Variants in CDH4 observed in about 807,000 individuals in gnomAD.
The protein encoded by CDH4 is cadherin 4.
A neutral mutation model predicts 86.0 loss-of-function variants in CDH4; 33 were observed. The observed-to-expected ratio is 0.38, with a 90% CI of 0.29 to 0.51. CDH4 has a LOEUF of 0.51. Among genes scored for constraint, CDH4 ranks in the 20% least tolerant of loss-of-function variants. The pLI is 0.86. For missense variants in CDH4, 1,114 were observed against 1,307.4 expected, an observed-to-expected ratio of 0.85 and a Z score of 2.28; for synonymous variants, 555 against 549.4, an observed-to-expected ratio of 1.01 and a Z score of -0.14.
At chr20:61,472,470 A>G (rs1177484681) in intron 2 of CDH4, among the ~76,000 whole-genome samples, 3 of 151,696 alleles carry the variant, frequency 2.0e-5, no homozygotes, top group Non-Finnish European at 4.4e-5. Flanking sequence ...TTCTGTCTTC[A>G]TTTTGGTGAA....
At chr20:61,381,336 C>A (rs2084899831) in intron 2 of CDH4, among the ~76,000 whole-genome samples, 1 of 152,114 alleles carries the variant, frequency 6.6e-6, no homozygotes, top group South Asian at 2.1e-4. Context: ...AGAATAAGTT[C>A]TTTGGGAGAA....
intron 2 of CDH4, among the ~76,000 whole-genome samples, chr20:61,366,801 T>A (rs965238064): frequency 3.9e-5 from 6 of 152,236 alleles, no homozygotes; most frequent in Admixed American, 6.5e-5. Flanking sequence ...GTCATGAACA[T>A]GTCTCAGTGC....
At position 61,770,680 on chromosome 20, in the gene CDH4, G is replaced by A. The variant is rs146571777; in HGVS notation, c.397-2323G>A. Among the ~76,000 whole-genome samples, 1,060 of 152,244 alleles carry A rather than the reference G, an allele frequency of 7.0e-3. 13 individuals are homozygous for A. The highest frequency in any genetic ancestry group is 0.024 in the African/African-American group (1,007 of 41,562). On this transcript the variant is annotated intron_variant, in intron 3 of 15. Transcript: ENST00000614565. ...GGGAGGATCACAAGGTCAGGAGATC[G>A]AGACCATCCTGGCTAACACGGTAAA...
intron 2 of CDH4, among the ~76,000 whole-genome samples, chr20:61,586,599 GCATTTGATCCTT>G (rs1266823585): frequency 6.6e-6 from 1 of 152,222 alleles, no homozygotes; most frequent in Non-Finnish European, 1.5e-5. Flanking sequence ...AAATTAAGCA[GCATTTGATCCTT>G]CATTTGATCC....
At chr20:61,328,413 G>A (rs1037605895) in intron 2 of CDH4, among the ~76,000 whole-genome samples, 4 of 152,182 alleles carry the variant, frequency 2.6e-5, no homozygotes, top group African/African-American at 9.7e-5. Context: ...CTGACCTTGT[G>A]ATCCACCCGC....
intron 2 of CDH4, among the ~76,000 whole-genome samples, chr20:61,591,687 T>C (rs999179685): frequency 2.6e-5 from 4 of 152,248 alleles, no homozygotes; most frequent in African/African-American, 9.6e-5. Flanking sequence ...TTCTGCTCTG[T>C]TCTGCTAAAC....
chr20:61,841,535 G>C (rs1982171540), intron 4 of CDH4, among the ~76,000 whole-genome samples: 1 of 152,234 alleles, frequency 6.6e-6, no homozygotes, highest in South Asian at 2.1e-4. Flanking sequence ...GTAGAGGGAG[G>C]GGTGATTAAG....
chr20:61,729,586 G>A (rs1007593954), intron 2 of CDH4, among the ~76,000 whole-genome samples: 6 of 152,216 alleles, frequency 3.9e-5, no homozygotes, highest in East Asian at 1.9e-4. Context: ...GAGGAGCTGC[G>A]TCTCCTCTTG....
chr20:61,926,708 T>TA (rs980696289), intron 11 of CDH4, among the ~76,000 whole-genome samples: 3 of 151,936 alleles, frequency 2.0e-5, no homozygotes, highest in African/African-American at 7.3e-5. Context: ...CCGTCTTTAC[T>TA]AAAAAAATAC....
At chr20:61,632,620 G>A (rs1222489606) in intron 2 of CDH4, among the ~76,000 whole-genome samples, 1 of 151,492 alleles carries the variant, frequency 6.6e-6, no homozygotes, top group Non-Finnish European at 1.5e-5. Flanking sequence ...CCACTCGTCT[G>A]CTCACATCCA....
intron 2 of CDH4, among the ~76,000 whole-genome samples, chr20:61,730,391 G>A (rs1005109161): frequency 3.3e-5 from 5 of 152,174 alleles, no homozygotes; most frequent in Non-Finnish European, 5.9e-5. Flanking sequence ...ATGTCATGGA[G>A]TTGGAATCCT....
At chr20:61,275,331 A>G (rs1183061428) in intron 2 of CDH4, among the ~76,000 whole-genome samples, 688 of 30,114 alleles carry the variant, frequency 0.023, no homozygotes, top group Non-Finnish European at 0.025. Context: ...GCAGTTTGGG[A>G]GAGTACCGTG....
rs146893139 is a variant in CDH4, at chr20:61,409,283, A to G, written c.169+154346A>G. On this transcript the variant is annotated intron_variant, in intron 2 of 15. Coordinates refer to ENST00000614565, the MANE Select transcript of CDH4 (RefSeq NM_001794.5). Reference sequence around the variant, plus strand: ...ACCTCAAAGCAGCTGGGACTCAGAGAGAACTTCACTACATCCCTGGAACAC... The same window carrying G: ...ACCTCAAAGCAGCTGGGACTCAGAGGGAACTTCACTACATCCCTGGAACAC... Among the ~76,000 whole-genome samples, 396 of 152,296 alleles carry G rather than the reference A, an allele frequency of 2.6e-3. 6 individuals carry two copies. The highest frequency in any genetic ancestry group is 8.7e-3 in the African/African-American group (363 of 41,560).
At chr20:61,425,802 T>G (rs767938579) in intron 2 of CDH4, among the ~76,000 whole-genome samples, 1 of 150,204 alleles carries the variant, frequency 6.7e-6, no homozygotes, top group Non-Finnish European at 1.5e-5. Context: ...TTGCAGGACA[T>G]TCTCAAAGGC....
chr20:61,524,379 C>T (rs563098273), intron 2 of CDH4, among the ~76,000 whole-genome samples: 7 of 152,270 alleles, frequency 4.6e-5, no homozygotes, highest in East Asian at 1.9e-4. Flanking sequence ...ATCCTATTCC[C>T]GCATTCAACC....
intron 5 of CDH4, among the ~76,000 whole-genome samples, chr20:61,852,157 C>A (rs1378775585): frequency 3.3e-5 from 5 of 152,146 alleles, no homozygotes; most frequent in Non-Finnish European, 7.3e-5. Flanking sequence ...CCATATTCCC[C>A]TGCTGTGCCC....
chr20:61,819,843 G>A (rs1980924294), intron 4 of CDH4, among the ~76,000 whole-genome samples: 1 of 152,202 alleles, frequency 6.6e-6, no homozygotes. Flanking sequence ...GGGCCTGGTG[G>A]TTATTTAGCT....
At position 61,663,552 on chromosome 20, in the gene CDH4, G is replaced by T. The variant is rs2087285749; in HGVS notation, c.170-80011G>T. 6.6e-6 allele frequency among the ~76,000 whole-genome samples: 1 copy of T among 152,180 alleles called. No individual in the cohort carries two copies. The highest frequency in any genetic ancestry group is 1.5e-5 in the Non-Finnish European group (1 of 68,020). On this transcript the variant is annotated intron_variant, in intron 2 of 15. Transcript: ENST00000614565. The surrounding 1 kb of genome is among the most constrained non-coding windows in gnomAD (Gnocchi z 5.0). ...CGGAGGAAGGTGAACAGGGCAGGGGGCAGTGGGGCTGGATTTTATCCCAAG... is the reference window on the plus strand; with the variant it reads ...CGGAGGAAGGTGAACAGGGCAGGGGTCAGTGGGGCTGGATTTTATCCCAAG...
At position 61,917,433 on chromosome 20, in the gene CDH4, C is replaced by T. The variant is rs544653128; in HGVS notation, c.1375-6018C>T. Among the ~76,000 whole-genome samples, 9 of 152,374 alleles carry T rather than the reference C, an allele frequency of 5.9e-5. No individual in the cohort carries two copies. In the East Asian group the frequency reaches 1.7e-3, roughly 29 times the overall value. ...GTTTTAAAGCTAAAAAGCCAAGAAC[C>T]GGCCTCTGCCACTTCCCCTTCGGGC... On this transcript the variant is annotated intron_variant, in intron 9 of 15. Coordinates refer to ENST00000614565, the MANE Select transcript of CDH4 (RefSeq NM_001794.5).
Sources: allele counts gnomAD v4.1 joint callset (sites outside exome capture counted in the v4.1 genomes callset), GRCh38; gene constraint gnomAD v4.1.1; non-coding constraint Gnocchi (gnomAD v3.1); transcripts MANE v1.5; gene names NCBI Gene and HGNC (gene_info 2026-07-23, HGNC 2026-07-21).